TAFA4: variants seen among roughly 807,000 people sequenced by gnomAD.
The protein encoded by TAFA4 is chemokine-like protein TAFA-4.
A neutral mutation model predicts 21.1 loss-of-function variants in TAFA4; 20 were observed. That is an observed-to-expected ratio of 0.95 (90% CI 0.67 to 1.38). The LOEUF (loss-of-function observed/expected upper bound fraction) is 1.38, where lower values mean the gene tolerates loss of function less well. TAFA4 is among the 40% of genes most tolerant of loss of function. TAFA4 has a pLI of 0.00. For missense variants in TAFA4, 211 were observed against 180.9 expected, an observed-to-expected ratio of 1.17 and a Z score of -0.95; for synonymous variants, 71 against 67.4, an observed-to-expected ratio of 1.05 and a Z score of -0.26.
chr3:68,855,063 G>A (rs6807280), intron 3 of TAFA4, among the ~76,000 whole-genome samples: 69,681 of 151,976 alleles, frequency 0.46, 16,625 homozygotes, highest in African/African-American at 0.55. Context: ...ACAATGATAA[G>A]TAACAAATGA....
At chr3:68,753,499 G>A (rs747984579) in intron 3 of TAFA4, among the ~76,000 whole-genome samples, 1 of 151,716 alleles carries the variant, frequency 6.6e-6, no homozygotes, top group East Asian at 1.9e-4. Flanking sequence ...CCATGCCCAG[G>A]TAATTTTTAT....
chr3:68,734,554 C>G (rs1396476456), intron 5 of TAFA4, among the ~76,000 whole-genome samples: 1 of 151,878 alleles, frequency 6.6e-6, no homozygotes, highest in Non-Finnish European at 1.5e-5. Context: ...CAAGACTGAA[C>G]TGTCAACTTA....
chr3:68,738,953 G>C (rs1702293389), intron 5 of TAFA4, 122 bp downstream of exon 5: 1 of 1,383,956 alleles, frequency 7.2e-7, no homozygotes, highest in Non-Finnish European at 9.8e-7. Flanking sequence ...CCGTAAGGTA[G>C]CACTGCCCAA....
intron 1 of TAFA4, among the ~76,000 whole-genome samples, chr3:68,913,293 C>T (rs2089976310): frequency 6.6e-6 from 1 of 151,742 alleles, no homozygotes; most frequent in African/African-American, 2.4e-5. Flanking sequence ...CATTTTTTTG[C>T]CCAGGGTTGC....
intron 1 of TAFA4, among the ~76,000 whole-genome samples, chr3:68,887,452 G>A (rs1375349425): frequency 6.6e-6 from 1 of 152,052 alleles, no homozygotes; most frequent in African/African-American, 2.4e-5. Flanking sequence ...TACATTTCGG[G>A]AGTCTCTGGG....
At chr3:68,873,141 C>T (rs1367580826) in intron 3 of TAFA4, among the ~76,000 whole-genome samples, 1 of 152,036 alleles carries the variant, frequency 6.6e-6, no homozygotes, top group African/African-American at 2.4e-5. Flanking sequence ...AATCCAGGTT[C>T]TGATGTGTCA....
intron 3 of TAFA4, among the ~76,000 whole-genome samples, chr3:68,780,386 T>G (rs1703132685): frequency 6.6e-6 from 1 of 152,156 alleles, no homozygotes; most frequent in Non-Finnish European, 1.5e-5. Flanking sequence ...TGGAATGATA[T>G]AGTTTGGCTG....
At chr3:68,927,697 G>A (rs1179972610) in intron 1 of TAFA4, among the ~76,000 whole-genome samples, 2 of 151,874 alleles carry the variant, frequency 1.3e-5, no homozygotes, top group African/African-American at 4.8e-5. Flanking sequence ...CCAGGAGTTC[G>A]ACACCAGCCT....
intron 4 of TAFA4, among the ~76,000 whole-genome samples, chr3:68,741,273 G>C (rs1258078985): frequency 6.6e-6 from 1 of 152,120 alleles, no homozygotes; most frequent in Non-Finnish European, 1.5e-5. Flanking sequence ...ACGAACACAG[G>C]ATATTGTTCT....
chr3:68,805,123 C>T (rs1162774892), intron 3 of TAFA4, among the ~76,000 whole-genome samples: 1 of 152,036 alleles, frequency 6.6e-6, no homozygotes. Flanking sequence ...AACAAACAAC[C>T]CCATCAAAAA....
At chr3:68,838,066 TTAA>T (rs1704564877) in intron 3 of TAFA4, among the ~76,000 whole-genome samples, 1 of 152,162 alleles carries the variant, frequency 6.6e-6, no homozygotes, top group Non-Finnish European at 1.5e-5. Context: ...CAATATATTA[TTAA>T]TAACTATAGT....
chr3:68,855,373 A>G (rs533085270), intron 3 of TAFA4, among the ~76,000 whole-genome samples: 1 of 152,208 alleles, frequency 6.6e-6, no homozygotes, highest in Non-Finnish European at 1.5e-5. Flanking sequence ...AACATAGAAC[A>G]TATGTCAGGG....
chr3:68,798,614 C>T (rs1045073453), intron 3 of TAFA4, among the ~76,000 whole-genome samples: 2 of 152,196 alleles, frequency 1.3e-5, no homozygotes, highest in Admixed American at 6.5e-5. Flanking sequence ...AATATAAAAT[C>T]ATTTGTTGTT....
At chr3:68,758,303 C>T (rs891970726) in intron 3 of TAFA4, among the ~76,000 whole-genome samples, 1 of 152,032 alleles carries the variant, frequency 6.6e-6, no homozygotes, top group Non-Finnish European at 1.5e-5. Context: ...TGACTGTGTC[C>T]CCACCCAAAT....
intron 3 of TAFA4, among the ~76,000 whole-genome samples, chr3:68,852,985 G>C (rs911091064): frequency 1.3e-5 from 2 of 152,108 alleles, no homozygotes. Flanking sequence ...GTGTTCTGAA[G>C]TAATTCCTCC....
chr3:68,768,566 C>T (rs568173971), intron 3 of TAFA4, among the ~76,000 whole-genome samples: 9 of 152,164 alleles, frequency 5.9e-5, no homozygotes, highest in Admixed American at 5.9e-4. Context: ...AAATAGAAGA[C>T]TATCTCATGT....
At chr3:68,922,443 CAA>C (rs952929226) in intron 1 of TAFA4, among the ~76,000 whole-genome samples, 1 of 152,166 alleles carries the variant, frequency 6.6e-6, no homozygotes, top group African/African-American at 2.4e-5. Flanking sequence ...TAAAATCCAA[CAA>C]AGTTCAGAAT....
chr3:68,734,960 C>T (rs980546257), intron 5 of TAFA4, among the ~76,000 whole-genome samples: 1 of 152,136 alleles, frequency 6.6e-6, no homozygotes, highest in Non-Finnish European at 1.5e-5. Flanking sequence ...ATAAAATGCT[C>T]TCAGACTTAT....
At chr3:68,772,106 G>A (rs576488489) in intron 3 of TAFA4, among the ~76,000 whole-genome samples, 1 of 152,064 alleles carries the variant, frequency 6.6e-6, no homozygotes, top group African/African-American at 2.4e-5. Flanking sequence ...GAAATTCAGG[G>A]ATGACATAAA....
Sources: gnomAD v4.1 joint callset for allele counts (sites outside exome capture counted in the v4.1 genomes callset) on GRCh38, gnomAD v4.1.1 for gene constraint, MANE v1.5 for transcripts, NCBI Gene and HGNC (gene_info 2026-07-23, HGNC 2026-07-21) for gene names.